Variants in RPS6KB1 observed in about 807,000 individuals in gnomAD.
RPS6KB1 encodes ribosomal protein S6 kinase beta-1.
In RPS6KB1, 12 loss-of-function variants were observed where a neutral mutation model predicts 70.2. The observed-to-expected ratio is 0.17, with a 90% CI of 0.11 to 0.28. The LOEUF (loss-of-function observed/expected upper bound fraction) is 0.28, where lower values mean the gene tolerates loss of function less well. RPS6KB1 is among the 10% of genes least tolerant of loss of function. RPS6KB1 has a pLI of 1.00. For missense variants in RPS6KB1, 270 were observed against 646.6 expected (o/e 0.42, Z 6.32); for synonymous variants, 175 against 211.2 (o/e 0.83, Z 1.49).
intron 4 of RPS6KB1, among the ~76,000 whole-genome samples, chr17:59,915,710 T>G (rs2042907439): frequency 6.8e-6 from 1 of 146,936 alleles, no homozygotes. Flanking sequence ...AGGTGATCCA[T>G]CTGCCTCGGC....
In RPS6KB1 at chr17:59,912,823, A is replaced by G; in HGVS notation, c.312+19A>G. 1 of 1,613,024 alleles carries G rather than the reference A, an allele frequency of 6.2e-7. No individual in the cohort carries two copies. The highest frequency in any genetic ancestry group is 1.1e-5 in the South Asian group (1 of 91,032). The stretch of plus-strand genomic sequence containing the variant: ...TGGAAAGGTAGGCAATATTTTTGAA[A>G]TGAGAGCTGTTGTCTGTCTTGAATA... On this transcript the variant is annotated intron_variant, in intron 3 of 14. Coordinates refer to ENST00000225577, the MANE Select transcript of RPS6KB1 (RefSeq NM_003161.4).
chr17:59,927,088 A>AT (rs879362323), intron 5 of RPS6KB1, among the ~76,000 whole-genome samples: 63 of 147,156 alleles, frequency 4.3e-4, no homozygotes, highest in African/African-American at 6.2e-4. Context: ...GTGTCTATTT[A>AT]TTTTTTTTTT....
In RPS6KB1 at chr17:59,906,832, T is replaced by G. The variant is rs1168721032; in HGVS notation, c.142-3730T>G. Among the ~76,000 whole-genome samples the G allele has an allele frequency of 2.6e-5, 4 of 151,922 alleles. No individual in the cohort carries two copies. In the East Asian group the frequency reaches 7.7e-4, roughly 29 times the overall value. On this transcript the variant is annotated intron_variant, in intron 1 of 14. Transcript: ENST00000225577. Reference sequence around the variant, plus strand: ...CCTCAACTTCCCGAGTAGCTGAGATTACAGGCGCCCTCCACCACGCCTGGC... The same window carrying G: ...CCTCAACTTCCCGAGTAGCTGAGATGACAGGCGCCCTCCACCACGCCTGGC...
intron 13 of RPS6KB1, among the ~76,000 whole-genome samples, chr17:59,941,347 G>T (rs1383601117): frequency 1.3e-5 from 2 of 148,850 alleles, no homozygotes; most frequent in East Asian, 2.0e-4. Flanking sequence ...TTGAGACAGG[G>T]TCTCACCTTG....
At chr17:59,917,986 T>A (rs1004725911) in intron 4 of RPS6KB1, among the ~76,000 whole-genome samples, 1 of 152,160 alleles carries the variant, frequency 6.6e-6, no homozygotes, top group Non-Finnish European at 1.5e-5. Flanking sequence ...CAGGCTGGAG[T>A]GCAATGGCGC....
At chr17:59,901,428 C>T (rs934683393) in intron 1 of RPS6KB1, among the ~76,000 whole-genome samples, 9 of 149,762 alleles carry the variant, frequency 6.0e-5, no homozygotes, top group African/African-American at 2.2e-4. Context: ...GGATTACAGG[C>T]GTGAGCCACC....
At chr17:59,895,182 G>A (rs568364925) in intron 1 of RPS6KB1, among the ~76,000 whole-genome samples, 20 of 151,422 alleles carry the variant, frequency 1.3e-4, no homozygotes, top group African/African-American at 4.9e-4. Context: ...CACCACACCT[G>A]GCTAATTTTT....
chr17:59,893,344 G>C lies in RPS6KB1; in HGVS notation c.141+19G>C. ...GGAGGGGGTGAGGCCCGGGGTCCCC[G>C]GGGGCCCGAGGTGACAGGGCCGGGG... On this transcript the variant is annotated intron_variant, in intron 1 of 14. Coordinates refer to ENST00000225577, the MANE Select transcript of RPS6KB1 (RefSeq NM_003161.4). The surrounding 1 kb of genome is among the most constrained non-coding windows in gnomAD (Gnocchi z 4.1). 1 of 1,584,818 alleles carries C rather than the reference G, an allele frequency of 6.3e-7. No homozygotes were observed. Among genetic ancestry groups the C allele is most frequent in the Non-Finnish European group, 8.6e-7 (1 of 1,165,550 alleles).
At chr17:59,945,566 C>A in intron 14 of RPS6KB1, 48 bp downstream of exon 14, 1 of 997,602 alleles carries the variant, frequency 1.0e-6, no homozygotes, top group Non-Finnish European at 1.6e-6. Context: ...AAACAACCTA[C>A]AAGAGTGTTT....
intron 3 of RPS6KB1, among the ~76,000 whole-genome samples, chr17:59,913,516 A>C (rs2042767736): frequency 6.6e-6 from 1 of 152,162 alleles, no homozygotes; most frequent in Admixed American, 6.6e-5. Context: ...TTTGAATCTC[A>C]CATGTTTTAG....
chr17:59,944,509 C>T (rs1288486486), intron 13 of RPS6KB1, among the ~76,000 whole-genome samples: 1 of 152,014 alleles, frequency 6.6e-6, no homozygotes, highest in Admixed American at 6.6e-5. Flanking sequence ...AGCTTGGGTC[C>T]AGGAGTTTGA....
At chr17:59,928,030 C>A (rs796430905) in intron 5 of RPS6KB1, among the ~76,000 whole-genome samples, 2 of 151,436 alleles carry the variant, frequency 1.3e-5, no homozygotes, top group African/African-American at 4.8e-5. Flanking sequence ...TGGTGGTGTG[C>A]TCCTGTAATC....
Position 59,936,412 on chromosome 17 carries a change from A to G in RPS6KB1, c.1042-52A>G, listed in dbSNP as rs371126295. On this transcript the variant is annotated intron_variant, in intron 11 of 14. Transcript: ENST00000225577. ...CTTCAAAAAGGTGATTAATTTATCA[A>G]TCCAGCAAAGTCTAGTCCCCTCAAC... The G allele has an allele frequency of 2.2e-5, 35 of 1,570,716 alleles. No individual in the cohort carries two copies. The African/African-American group carries it at 4.1e-4, about 18-fold the overall frequency.
At chr17:59,894,348 TC>T (rs1371327187) in intron 1 of RPS6KB1, among the ~76,000 whole-genome samples, 3 of 152,192 alleles carry the variant, frequency 2.0e-5, no homozygotes, top group Admixed American at 1.3e-4. Context: ...AAATCACTGA[TC>T]CTGGACCAAA....
intron 4 of RPS6KB1, among the ~76,000 whole-genome samples, chr17:59,918,978 T>C (rs2043120372): frequency 6.6e-6 from 1 of 151,820 alleles, no homozygotes; most frequent in South Asian, 2.1e-4. Context: ...ATAACAGGCA[T>C]GTGCCACCCT....
chr17:59,911,538 GTT>G (rs1184826889), intron 2 of RPS6KB1, among the ~76,000 whole-genome samples: 1,464 of 74,688 alleles, frequency 0.02, 21 homozygotes, highest in African/African-American at 0.082. Context: ...TTTTTGTTGG[GTT>G]TTTTTTTTTT....
rs2145000571 is a variant in RPS6KB1 at position 59,936,273 on chromosome 17, T to C, written c.1037T>C (p.Val346Ala). Residue 346 changes from valine to alanine, a missense_variant, in exon 11 of 15, where the codon GTT becomes GCT. Val to Ala is a moderately conservative substitution (Grantham distance 64). Transcript: ENST00000225577. ...GCTGGTCCTGGGGACGCTGGAGAAG[T>C]TCAAGTAGGGATTGGCATCTTTGGT... ...LGAGPGDAGE[V>A]QAHPFFRHIN... The C allele has an allele frequency of 3.1e-6, 5 of 1,594,650 alleles. No individual in the cohort carries two copies. The highest frequency in any genetic ancestry group is 4.3e-6 in the Non-Finnish European group (5 of 1,175,290).
chr17:59,919,682 G>C (rs1347472117), intron 4 of RPS6KB1, among the ~76,000 whole-genome samples: 1 of 151,618 alleles, frequency 6.6e-6, no homozygotes, highest in Non-Finnish European at 1.5e-5. Flanking sequence ...TTTTGTCCCG[G>C]GGAATTTAAC....
chr17:59,901,653 AAAAG>A (rs2041959819), intron 1 of RPS6KB1, among the ~76,000 whole-genome samples: 3 of 151,138 alleles, frequency 2.0e-5, no homozygotes, highest in Non-Finnish European at 4.4e-5. Context: ...AAAAGAAAAA[AAAAG>A]AAACAGAGTT....
Sources: gnomAD v4.1 joint callset for allele counts (sites outside exome capture counted in the v4.1 genomes callset) on GRCh38, gnomAD v4.1.1 for gene constraint, Gnocchi (gnomAD v3.1) non-coding constraint, MANE v1.5 for transcripts, NCBI Gene and HGNC (gene_info 2026-07-23, HGNC 2026-07-21) for gene names.